Variants in SMC1A observed in about 807,000 individuals in gnomAD.
SMC1A encodes structural maintenance of chromosomes protein 1A.
Under a neutral mutation model 94.5 loss-of-function variants are expected in SMC1A, and 4 were observed. The ratio of observed to expected loss-of-function variants is 0.04; its 90% confidence interval spans 0.02 to 0.10. The LOEUF (loss-of-function observed/expected upper bound fraction) is 0.10. Ranked by LOEUF, SMC1A falls within the 10% of genes least tolerant of loss-of-function variation. The probability of loss-of-function intolerance (pLI) is 1.00; values close to 1 mark genes in which losing one functional copy is unlikely to be tolerated. For missense variants in SMC1A, 304 were observed against 989.0 expected (o/e 0.31, Z 9.29); for synonymous variants, 345 against 347.7 (o/e 0.99, Z 0.09).
intron 16 of SMC1A, among the ~76,000 whole-genome samples, chrX:53,398,183 C>CAAAA (rs10543081): frequency 6.8e-5 from 4 of 58,405 alleles, no homozygotes; most frequent in Admixed American, 2.1e-4. Context: ...AACTGAGTCT[C>CAAAA]AAAAAAAAAA....
intron 19 of SMC1A, among the ~76,000 whole-genome samples, chrX:53,392,402 CA>C (rs1269257206): frequency 6.5e-5 from 7 of 107,448 alleles, no homozygotes; most frequent in African/African-American, 2.4e-4. Context: ...AAAAAAAAAA[CA>C]AAAAACAAAA....
chrX:53,406,065 G>A (rs998674097), intron 9 of SMC1A, 109 bp from the exon 10 acceptor site: 2 of 724,964 alleles, frequency 2.8e-6, no homozygotes, highest in African/African-American at 4.2e-5. Context: ...ATATCAGGAA[G>A]TGAATGCAAC....
intron 9 of SMC1A, among the ~76,000 whole-genome samples, chrX:53,407,661 C>T (rs782791123): frequency 9.0e-6 from 1 of 111,380 alleles, no homozygotes; most frequent in African/African-American, 3.3e-5. Flanking sequence ...CCCTAACCCA[C>T]AGGATCTGAT....
rs1157579546 is a variant in SMC1A, at chrX:53,390,487, C to CA, written c.2973+4290dup. On this transcript the variant is annotated intron_variant, in intron 19 of 24. Transcript: ENST00000322213. ...CAGGCCACAGTGTGAGACTCTATCT[C>CA]AAAAAAAAAAAAGAACTGTGTGGGG... is the stretch of plus-strand genomic sequence containing the variant. Among the ~76,000 whole-genome samples, 70 of 95,023 alleles carry CA rather than the reference C, an allele frequency of 7.4e-4. 1 individual carries two copies. The highest frequency in any genetic ancestry group is 0.011 in the Middle Eastern group (2 of 174). 82.5% of individuals were successfully genotyped at this position (95,023 alleles called of 115,157 possible).
intron 15 of SMC1A, among the ~76,000 whole-genome samples, chrX:53,401,176 G>C (rs2075669182): frequency 9.0e-6 from 1 of 111,484 alleles, no homozygotes; most frequent in Non-Finnish European, 1.9e-5. Context: ...TTCTGAGCAG[G>C]TTCCTAGTTT....
chrX:53,382,470 T>A, intron 21 of SMC1A, 36 bp downstream of exon 21: 1 of 1,202,364 alleles, frequency 8.3e-7, no homozygotes, highest in Non-Finnish European at 1.1e-6. Context: ...CAACTGAGGA[T>A]GGTAGCAGCT....
intron 15 of SMC1A, among the ~76,000 whole-genome samples, chrX:53,400,504 CTCAA>C (rs1457259449): frequency 8.9e-6 from 1 of 111,834 alleles, no homozygotes; most frequent in Non-Finnish European, 1.9e-5. Context: ...ACGATAACTA[CTCAA>C]TCAATTTTAG....
Position 53,403,661 on chromosome X carries a change from C to T in SMC1A, c.2325G>A (p.Glu775=), listed in dbSNP as rs1316830417. 2 of 1,206,482 alleles carry T rather than the reference C, an allele frequency of 1.7e-6. No homozygotes were observed. Among genetic ancestry groups the T allele is most frequent in the East Asian group, 3.0e-5 (1 of 33,681 alleles). The change falls in exon 15 of 25, where the codon GAG becomes GAA. Residue 775 remains glutamate, a synonymous_variant. Coordinates refer to ENST00000322213, the MANE Select transcript of SMC1A (RefSeq NM_006306.4). ...TCTCCCGACAAAACTCTTCAAACAC[C>T]TCATCCTCTACCTGAGAAGAGAAGC... ...LKEKMNQVED[E]VFEEFCREIG... is the part of the protein sequence containing the mutation.
At chrX:53,400,974 G>C (rs2075668589) in intron 15 of SMC1A, among the ~76,000 whole-genome samples, 1 of 111,396 alleles carries the variant, frequency 9.0e-6, no homozygotes, top group South Asian at 3.8e-4. Flanking sequence ...CCTTCTTCCT[G>C]ACCCTGCTTT....
intron 10 of SMC1A, 38 bp downstream of exon 10, chrX:53,405,733 T>C: frequency 8.3e-7 from 1 of 1,208,230 alleles, no homozygotes; most frequent in Non-Finnish European, 1.1e-6. Flanking sequence ...GGAGGGGCCC[T>C]TGAACACTGG....
At chrX:53,412,284 AG>A (rs781887498) in intron 5 of SMC1A, 31 bp from the exon 6 acceptor site, 1 of 1,203,758 alleles carries the variant, frequency 8.3e-7, no homozygotes, top group Non-Finnish European at 1.1e-6. Context: ...GAAACCAGTG[AG>A]AACTATGGAA....
At chrX:53,382,421 A>G (rs782493310) in intron 21 of SMC1A, 38 bp from the exon 22 acceptor site, 11 of 1,198,538 alleles carry the variant, frequency 9.2e-6, no homozygotes, top group Non-Finnish European at 1.2e-5. Flanking sequence ...TGTATCTGAG[A>G]CTGGATGGAG....
chrX:53,382,051 TG>T, intron 22 of SMC1A, 180 bp downstream of exon 22: 1 of 510,954 alleles, frequency 2.0e-6, no homozygotes, highest in Non-Finnish European at 3.4e-6. Flanking sequence ...TGAGGGTGGA[TG>T]GGGAAGACAG....
rs782693840 is a variant in SMC1A, at chrX:53,389,117, GT to G, written c.2973+5660del. 5.8e-3 allele frequency among the ~76,000 whole-genome samples: 490 copies of G among 84,537 alleles called. 11 individuals are homozygous for G. The highest frequency in any genetic ancestry group is 5.8e-3 in the Non-Finnish European group (248 of 42,419). 73.4% of individuals were successfully genotyped at this position (84,537 alleles called of 115,157 possible). On this transcript the variant is annotated intron_variant, in intron 19 of 24. Transcript: ENST00000322213. Reference sequence around the variant, plus strand: ...TACAGAGGATAGCAGAACCATTTTTGTTTTTTTTTTTTTTGGTCGGGGGGGT... The same window carrying G: ...TACAGAGGATAGCAGAACCATTTTTGTTTTTTTTTTTTTGGTCGGGGGGGT...
rs56110615 is a variant in SMC1A at position 53,377,130 on chromosome X, G to A, written c.*2973C>T. 0.01 allele frequency: 1,126 copies of A among 111,830 alleles called. 9 individuals carry two copies. Among genetic ancestry groups the A allele is most frequent in the Non-Finnish European group, 0.017 (929 of 53,120 alleles). 9.2% of individuals were successfully genotyped at this position (111,830 alleles called of 1,213,427 possible). A position where few individuals can be genotyped will look rare whatever the true frequency, so the allele number is the denominator to read the frequency against. On this transcript the variant is annotated 3_prime_UTR_variant, in exon 25 of 25. Coordinates refer to ENST00000322213, the MANE Select transcript of SMC1A (RefSeq NM_006306.4). ...GTGATGCCAGGAGGTGGTGGGGCAC[G>A]ACAGGAGAGAGCAGGGGGCAAGCAC... is the stretch of plus-strand genomic sequence containing the variant.
At position 53,394,869 on chromosome X, in the gene SMC1A, T is replaced by A. The variant is rs2146592435; in HGVS notation, c.2882A>T (p.Asp961Val). 2 of 1,194,471 alleles carry A rather than the reference T, an allele frequency of 1.7e-6. No individual in the cohort carries two copies. Among genetic ancestry groups the A allele is most frequent in the Non-Finnish European group, 2.3e-6 (2 of 880,344 alleles). The change falls in exon 19 of 25, where the codon GAC becomes GTC. Residue 961 changes from aspartate to valine, a missense_variant. Asp to Val is a radical substitution (Grantham distance 152). This residue lies in a region of SMC1A where 22 missense variants were observed against 17.5 expected (regional missense o/e 1.26). Transcript: ENST00000322213. ...SQEEGSSQGE[D>V]SVSGSQRISS... is the part of the protein sequence containing the mutation. ...AATTCTCTGTGAACCACTCACTGAG[T>A]CCTCCCCCTGGGAGCTACCCTGCAA...
At chrX:53,382,833 C>A (rs1556886089) in intron 20 of SMC1A, among the ~76,000 whole-genome samples, 173 bp from the exon 21 acceptor site, 1 of 110,674 alleles carries the variant, frequency 9.0e-6, no homozygotes, top group Admixed American at 9.6e-5. Flanking sequence ...GAAACAGGGG[C>A]CTGGAGCCAC....
chrX:53,404,972 G>C, intron 13 of SMC1A, 40 bp downstream of exon 13: 1 of 1,174,353 alleles, frequency 8.5e-7, no homozygotes, highest in Non-Finnish European at 1.1e-6. Context: ...AGGAATGTGT[G>C]GATGGCCTTT....
chrX:53,404,007 C>G lies in SMC1A; in HGVS notation c.2197-114G>C. 5.2e-6 allele frequency: 3 copies of G among 576,967 alleles called. No homozygotes were observed. The Admixed American group carries it at 6.9e-5, about 13-fold the overall frequency. The allele number at this position is 576,967 out of a possible 1,213,427, so 47.5% of individuals were successfully genotyped here. On this transcript the variant is annotated intron_variant, in intron 13 of 24. Transcript: ENST00000322213. ...GCTAGCTCTCCACAACTGAGAGAAC[C>G]TGGCTTAGCACTACTGCCCTAGTCA...
Sources: allele counts gnomAD v4.1 joint callset (sites outside exome capture counted in the v4.1 genomes callset), GRCh38; gene constraint gnomAD v4.1.1; regional missense constraint gnomAD v4.1.1; transcripts MANE v1.5; gene names NCBI Gene and HGNC (gene_info 2026-07-23, HGNC 2026-07-21).